Variants in MYH6 observed in about 807,000 individuals in gnomAD.
MYH6 encodes myosin heavy chain 6.
A neutral mutation model predicts 223.2 loss-of-function variants in MYH6; 126 were observed. The ratio of observed to expected loss-of-function variants is 0.56; its 90% CI spans 0.49 to 0.65. The LOEUF (loss-of-function observed/expected upper bound fraction) is 0.65. MYH6 is among the 30% of genes least tolerant of loss of function. The pLI, the probability that MYH6 is intolerant of heterozygous loss-of-function variation, is 0.00. For missense variants in MYH6, 2,040 were observed against 2,536.4 expected, an observed-to-expected ratio of 0.80 and a Z score of 4.20; for synonymous variants, 978 against 1,010.2, an observed-to-expected ratio of 0.97 and a Z score of 0.61.
chr14:23,383,574 C>T (rs992868050), intron 36 of MYH6, among the ~76,000 whole-genome samples: 4 of 152,112 alleles, frequency 2.6e-5, no homozygotes, highest in Admixed American at 6.5e-5. Flanking sequence ...GGGCTCAGAA[C>T]CTAATGGAAT....
In MYH6 at chr14:23,382,530, G is replaced by C. The variant is rs201199853; in HGVS notation, c.5694C>G (p.Phe1898Leu). 83 of 1,614,058 alleles carry C rather than the reference G, an allele frequency of 5.1e-5. No homozygotes were observed. Among genetic ancestry groups the C allele is most frequent in the Non-Finnish European group, 6.8e-5 (80 of 1,180,032 alleles). The change falls in exon 38 of 39, where the codon TTC becomes TTG. Residue 1898 changes from phenylalanine (F) to leucine (L), a missense_variant. Phe to Leu is a conservative substitution (Grantham distance 22, BLOSUM62 0). Coordinates refer to ENST00000405093, the MANE Select transcript of MYH6 (RefSeq NM_002471.4). ...CATCCAGCTCATGCTGCACCTTGCGGAACTTGGACAGGTTGGTGTTGGCTT... is the reference window on the plus strand; with the variant it reads ...CATCCAGCTCATGCTGCACCTTGCGCAACTTGGACAGGTTGGTGTTGGCTT... Reference protein sequence around the residue: ...EEQANTNLSKFRKVQHELDEA... With the variant: ...EEQANTNLSKLRKVQHELDEA...
At chr14:23,400,505 G>C in intron 13 of MYH6, 79 bp from the exon 14 acceptor site, 1 of 1,608,176 alleles carries the variant, frequency 6.2e-7, no homozygotes, top group South Asian at 1.1e-5. Flanking sequence ...GCACTGTGCC[G>C]AGCCCAGCAG....
chr14:23,392,446 G>A, intron 25 of MYH6, 116 bp downstream of exon 25: 4 of 843,374 alleles, frequency 4.7e-6, no homozygotes, highest in South Asian at 2.6e-5. Context: ...GGATGGTTGG[G>A]TCTATGAGGC....
chr14:23,400,522 G>A, intron 13 of MYH6, 96 bp from the exon 14 acceptor site: 2 of 1,601,346 alleles, frequency 1.2e-6, no homozygotes, highest in Non-Finnish European at 1.7e-6. Context: ...GCAGGGTATG[G>A]CTGTCCCCTC....
chr14:23,388,511 G>A (rs1595051704), intron 29 of MYH6, 173 bp from the exon 30 acceptor site: 1 of 1,107,432 alleles, frequency 9.0e-7, no homozygotes, highest in East Asian at 2.4e-5. Flanking sequence ...GGGCTGCCCA[G>A]GCGTCCTCCC....
At chr14:23,390,522 C>A (rs1429711986) in intron 25 of MYH6, 76 bp from the exon 26 acceptor site, 1 of 1,565,254 alleles carries the variant, frequency 6.4e-7, no homozygotes, top group Non-Finnish European at 8.6e-7. Context: ...GAAAAGCTAC[C>A]AGGAACTTAG....
chr14:23,396,764 C>T lies in MYH6; in HGVS notation c.2222G>A (p.Arg741Lys), dbSNP rs146414756. 6.2e-7 allele frequency: 1 copy of T among 1,614,026 alleles called. No homozygotes were observed. The highest frequency in any genetic ancestry group is 2.2e-5 in the East Asian group (1 of 44,880). ...AIPEGQFIDSRKGTEKLLSSL... is the reference protein window; with the variant it reads ...AIPEGQFIDSKKGTEKLLSSL... ...GCTGAGCAGCTTCTCTGTCCCCTTC[C>T]TGCTATCAATGAACTGTCCCTCAGG... The change falls in exon 19 of 39, where the codon AGG (arginine) becomes AAG (lysine). Residue 741 changes from arginine (R) to lysine (K), a missense_variant. Arg to Lys is a conservative substitution (Grantham distance 26). Around this residue, in one of 4 missense-constraint regions of MYH6, gnomAD observed 649 missense variants for 877.3 expected, o/e 0.74. Coordinates refer to ENST00000405093, the MANE Select transcript of MYH6 (RefSeq NM_002471.4).
Position 23,397,937 on chromosome 14 carries a change from CTTCTTCTTCTTCTTCTTCTTCT to C in MYH6, c.1892-346_1892-325del, listed in dbSNP as rs1891456802. Among the ~76,000 whole-genome samples the C allele has an allele frequency of 3.3e-3, 202 of 60,494 alleles. 7 individuals carry two copies. Among genetic ancestry groups the C allele is most frequent in the African/African-American group, 0.011 (165 of 15,400 alleles). 39.7% of individuals were successfully genotyped at this position (60,494 alleles called of 152,430 possible). The stretch of plus-strand genomic sequence containing the variant: ...TCCTCCTCCTCCTCCTCCTCCTCTT[CTTCTTCTTCTTCTTCTTCTTCT>C]TCTTCTTCTTCTTCTTCTTCTTCTT... On this transcript the variant is annotated intron_variant, in intron 15 of 38. Coordinates refer to ENST00000405093, the MANE Select transcript of MYH6 (RefSeq NM_002471.4).
At position 23,403,474 on chromosome 14, in the gene MYH6, G is replaced by T. The variant is rs1891676197; in HGVS notation, c.800-28C>A. On this transcript the variant is annotated intron_variant, in intron 9 of 38. Transcript: ENST00000405093. ...GAGGTGGGTGGAGGGGAGGAAGGCA[G>T]GTGAGGAAGGAAAGAGAGTAGAGCC... The T allele has an allele frequency of 2.5e-6, 4 of 1,585,828 alleles. No individual in the cohort carries two copies. In the East Asian group the frequency reaches 8.9e-5, roughly 35 times the overall value.
chr14:23,384,479 C>T lies in MYH6; in HGVS notation c.5528G>A (p.Arg1843Lys). 1.2e-6 allele frequency: 2 copies of T among 1,612,652 alleles called. No individual in the cohort carries two copies. The highest frequency in any genetic ancestry group is 1.7e-6 in the Non-Finnish European group (2 of 1,180,040). ...KRNAESVKGM[R>K]KSERRIKELT... ...CTCCTTGATGCGCCGCTCGCTCTTC[C>T]TCATGCCCTTCACCGACTCTGCGTT... Residue 1843 changes from arginine to lysine, a missense_variant, in exon 36 of 39, where the codon AGG becomes AAG. This residue lies in a region of MYH6 where 1,203 missense variants were observed against 1,400.2 expected (regional missense o/e 0.86). Coordinates refer to ENST00000405093, the MANE Select transcript of MYH6 (RefSeq NM_002471.4).
rs368451573 is a variant in MYH6, at chr14:23,390,185, C to T, written c.3604G>A (p.Val1202Met). The part of the protein sequence containing the change: ...AALRKKHADS[V>M]AELGEQIDNL... ...TCGATCTGCTCGCCCAGCTCGGCCA[C>T]GCTGTCGGCGTGCTTCTTGCGCAGG... The change falls in exon 26 of 39, where the codon GTG becomes ATG. Residue 1202 changes from valine to methionine, a missense_variant. Around this residue, in one of 4 missense-constraint regions of MYH6, gnomAD observed 1,203 missense variants for 1,400.2 expected, o/e 0.86. Coordinates refer to ENST00000405093, the MANE Select transcript of MYH6 (RefSeq NM_002471.4). 1.1e-4 allele frequency: 170 copies of T among 1,607,176 alleles called. No individual in the cohort carries two copies. Among genetic ancestry groups the T allele is most frequent in the South Asian group, 7.2e-4 (65 of 90,862 alleles).
At chr14:23,384,415 A>C in intron 36 of MYH6, 27 bp downstream of exon 36, 3 of 1,606,216 alleles carry the variant, frequency 1.9e-6, no homozygotes, top group Non-Finnish European at 2.5e-6. Context: ...TTCCACATCT[A>C]CTCCTGGTGT....
At chr14:23,385,144 A>T in intron 34 of MYH6, 103 bp from the exon 35 acceptor site, 39 of 1,298,966 alleles carry the variant, frequency 3.0e-5, no homozygotes, top group South Asian at 3.7e-5. Flanking sequence ...TTTTTTTTTA[A>T]AACAACAAGC....
At chr14:23,388,552 C>T (rs1165446303) in intron 29 of MYH6, 1 of 890,136 alleles carries the variant, frequency 1.1e-6, no homozygotes, top group Admixed American at 1.7e-5. Context: ...TGTCAGTGCC[C>T]CCTGCCCTCA....
chr14:23,405,781 C>A lies in MYH6; in HGVS notation c.202-11G>T, dbSNP rs374248120. On this transcript the variant is annotated splice_polypyrimidine_tract_variant and intron_variant, in intron 3 of 38. Transcript: ENST00000405093. The surrounding 1 kb of genome is among the most constrained non-coding windows in gnomAD (Gnocchi z 4.7). ...CTTCACAGTCACCGTCTGGAGGGGGCGCATAAGCAGGAGGATGAGTGACCA... is the reference window on the plus strand; with the variant it reads ...CTTCACAGTCACCGTCTGGAGGGGGAGCATAAGCAGGAGGATGAGTGACCA... 3 of 1,613,988 alleles carry A rather than the reference C, an allele frequency of 1.9e-6. No homozygotes were observed. Among genetic ancestry groups the A allele is most frequent in the South Asian group, 2.2e-5 (2 of 91,080 alleles).
chr14:23,389,091 A>G (rs771678899), intron 28 of MYH6, 36 bp from the exon 29 acceptor site: 1 of 1,565,188 alleles, frequency 6.4e-7, no homozygotes, highest in Non-Finnish European at 8.6e-7. Flanking sequence ...GGTGGGAGGG[A>G]CTCCCTGTGC....
At chr14:23,384,293 C>G in intron 36 of MYH6, 149 bp downstream of exon 36, 2 of 1,275,536 alleles carry the variant, frequency 1.6e-6, no homozygotes, top group Admixed American at 1.9e-5. Flanking sequence ...CTCATAGACT[C>G]AAGTCAAACT....
Position 23,390,183 on chromosome 14 carries a change from C to T in MYH6, c.3606G>A (p.Val1202=). 1.2e-6 allele frequency: 2 copies of T among 1,607,522 alleles called. No individual in the cohort carries two copies. ...AALRKKHADS[V]AELGEQIDNL... is the part of the protein sequence containing the mutation. Reference sequence around the variant, plus strand: ...TGTCGATCTGCTCGCCCAGCTCGGCCACGCTGTCGGCGTGCTTCTTGCGCA... The same window carrying T: ...TGTCGATCTGCTCGCCCAGCTCGGCTACGCTGTCGGCGTGCTTCTTGCGCA... The change falls in exon 26 of 39, where the codon GTG becomes GTA. Residue 1202 remains valine, a synonymous_variant. Coordinates refer to ENST00000405093, the MANE Select transcript of MYH6 (RefSeq NM_002471.4).
intron 32 of MYH6, 26 bp downstream of exon 32, chr14:23,387,503 G>C (rs774103241): frequency 6.2e-7 from 1 of 1,611,456 alleles, no homozygotes; most frequent in Non-Finnish European, 8.5e-7. Flanking sequence ...AACAGGGATG[G>C]GGTGCAGGGA....
Sources: gnomAD v4.1 joint callset for allele counts (sites outside exome capture counted in the v4.1 genomes callset) on GRCh38, gnomAD v4.1.1 for gene constraint, gnomAD v4.1.1 regional missense constraint, Gnocchi (gnomAD v3.1) non-coding constraint, MANE v1.5 for transcripts, NCBI Gene and HGNC (gene_info 2026-07-23, HGNC 2026-07-21) for gene names.